NECTIN2: variants seen among roughly 807,000 people sequenced by gnomAD.
The protein encoded by NECTIN2 is nectin-2.
Under a neutral mutation model 56.9 loss-of-function variants are expected in NECTIN2, and 23 were observed. That is an observed-to-expected ratio of 0.40 (90% CI 0.29 to 0.57). The LOEUF (loss-of-function observed/expected upper bound fraction) is 0.57. Ranked by LOEUF, NECTIN2 falls within the 20% of genes least tolerant of loss-of-function variation. The pLI is 0.38. For synonymous variants in NECTIN2, 302 were observed against 313.8 expected (o/e 0.96, Z 0.40); for missense variants, 587 against 718.3 (o/e 0.82, Z 2.09).
chr19:44,855,484 G>A (rs1968955806), intron 1 of NECTIN2, among the ~76,000 whole-genome samples: 2 of 152,060 alleles, frequency 1.3e-5, no homozygotes, highest in South Asian at 2.1e-4. Context: ...GAGGTGAAGG[G>A]TGTGGGGCTC....
chr19:44,873,387 C>T lies in NECTIN2; in HGVS notation c.776-529C>T, dbSNP rs193124848. Among the ~76,000 whole-genome samples, 8 of 152,290 alleles carry T rather than the reference C, an allele frequency of 5.3e-5. No individual in the cohort carries two copies. The East Asian group carries it at 1.5e-3, about 29-fold the overall frequency. ...GTGGCTCACACCTGCAATCCCAGCA[C>T]TTTGGGAGGCCAAGGCGGGCAGATC... On this transcript the variant is annotated intron_variant, in intron 3 of 8. Coordinates refer to ENST00000252483, the MANE Select transcript of NECTIN2 (RefSeq NM_001042724.2).
rs1015182295 is a variant in NECTIN2, at chr19:44,869,452, G to C, written c.479-2401G>C. Among the ~76,000 whole-genome samples, 3 of 151,866 alleles carry C rather than the reference G, an allele frequency of 2.0e-5. No homozygotes were observed. In the South Asian group the frequency reaches 6.2e-4, roughly 32 times the overall value. ...CTAAAAATACAAAAAAATTAGCCGGGCGTGGTGGCGGGTGCCTGTAGTCCC... is the reference window on the plus strand; with the variant it reads ...CTAAAAATACAAAAAAATTAGCCGGCCGTGGTGGCGGGTGCCTGTAGTCCC... On this transcript the variant is annotated intron_variant, in intron 2 of 8. Transcript: ENST00000252483.
intron 1 of NECTIN2, among the ~76,000 whole-genome samples, chr19:44,850,434 C>T (rs1763850759): frequency 6.6e-6 from 1 of 151,984 alleles, no homozygotes; most frequent in Admixed American, 6.6e-5. Context: ...CACTTGAGCT[C>T]AGGAGTTCGA....
Position 44,882,783 on chromosome 19 carries a change from A to T in NECTIN2, c.1196+419A>T, listed in dbSNP as rs149450221. Among the ~76,000 whole-genome samples the T allele has an allele frequency of 4.5e-4, 54 of 119,830 alleles. 1 individual carries two copies. The highest frequency in any genetic ancestry group is 6.7e-4 in the Non-Finnish European group (39 of 57,948). The allele number at this position is 119,830 out of a possible 152,430, so 78.6% of individuals were successfully genotyped here. ...TCCTCGGAGCCCAGGATCCTACTAC[A>T]TTTTTTTTTTTTTTTTGTGACGGAG... On this transcript the variant is annotated intron_variant, in intron 6 of 8. Transcript: ENST00000252483.
intron 7 of NECTIN2, 22 bp downstream of exon 7, chr19:44,886,022 C>T: frequency 6.3e-7 from 1 of 1,589,572 alleles, no homozygotes; most frequent in African/African-American, 1.3e-5. Flanking sequence ...CCCTGGAGCC[C>T]AAGCTATCCC....
At chr19:44,867,328 GA>G (rs377086184) in intron 2 of NECTIN2, among the ~76,000 whole-genome samples, 3 of 150,846 alleles carry the variant, frequency 2.0e-5, no homozygotes, top group African/African-American at 4.9e-5. Context: ...GGCCAGGAAA[GA>G]AAAAAAAATT....
rs537067302 is a variant in NECTIN2 at position 44,888,533 on chromosome 19, C to T, written c.*154C>T. 2.1e-5 allele frequency: 17 copies of T among 793,562 alleles called. No homozygotes were observed. The African/African-American group carries it at 3.0e-4, about 14-fold the overall frequency. The allele number at this position is 793,562 out of a possible 1,614,324, so 49.2% of individuals were successfully genotyped here. On this transcript the variant is annotated 3_prime_UTR_variant, in exon 9 of 9. Transcript: ENST00000252483. The stretch of plus-strand genomic sequence containing the variant: ...TACCTTGGTGGCTCCACTATGACCC[C>T]TAACCCATGAGCCCAGAGAAATTCA...
At chr19:44,853,774 A>G (rs1160328520) in intron 1 of NECTIN2, among the ~76,000 whole-genome samples, 2 of 152,226 alleles carry the variant, frequency 1.3e-5, no homozygotes, top group Non-Finnish European at 2.9e-5. Context: ...GGCGTGAGCC[A>G]TTGCGCCCAG....
At chr19:44,869,709 A>G (rs1403474486) in intron 2 of NECTIN2, among the ~76,000 whole-genome samples, 2 of 152,110 alleles carry the variant, frequency 1.3e-5, no homozygotes, top group Non-Finnish European at 2.9e-5. Flanking sequence ...ATACACTTCA[A>G]GCAGGGGCCA....
intron 2 of NECTIN2, among the ~76,000 whole-genome samples, chr19:44,866,369 C>T (rs537531062): frequency 1.3e-5 from 2 of 151,804 alleles, no homozygotes; most frequent in Non-Finnish European, 2.9e-5. Context: ...CATGCCACTA[C>T]ACTCTAGCCT....
rs572473246 is a variant in NECTIN2, at chr19:44,880,119, G to A, written c.1043-2092G>A. 3.3e-5 allele frequency among the ~76,000 whole-genome samples: 5 copies of A among 152,284 alleles called. No homozygotes were observed. In the East Asian group the frequency reaches 5.8e-4, roughly 18 times the overall value. ...TCTGGAGAGTGAGGCCGATGCATGC[G>A]TGACCCCCACGGGCCCTTCCATACT... On this transcript the variant is annotated intron_variant, in intron 5 of 8. Coordinates refer to ENST00000252483, the MANE Select transcript of NECTIN2 (RefSeq NM_001042724.2).
intron 6 of NECTIN2, 126 bp from the exon 7 acceptor site, chr19:44,885,811 C>T (rs1459075252): frequency 3.9e-6 from 3 of 778,420 alleles, no homozygotes; most frequent in African/African-American, 1.7e-5. Context: ...AAAACTCTTA[C>T]TCCAGGCAAG....
intron 1 of NECTIN2, among the ~76,000 whole-genome samples, chr19:44,860,211 G>C (rs193081103): frequency 6.6e-6 from 1 of 152,162 alleles, no homozygotes; most frequent in Non-Finnish European, 1.5e-5. Flanking sequence ...TAATGGATAA[G>C]GGGGTTACTT....
At chr19:44,859,680 C>T (rs1008453565) in intron 1 of NECTIN2, among the ~76,000 whole-genome samples, 1 of 152,048 alleles carries the variant, frequency 6.6e-6, no homozygotes, top group Non-Finnish European at 1.5e-5. Context: ...AAAAATCAGC[C>T]GGACCGTAGT....
rs563729552 is a variant in NECTIN2, at chr19:44,863,566, T to A, written c.89-1705T>A. 3.9e-3 allele frequency among the ~76,000 whole-genome samples: 593 copies of A among 151,982 alleles called. 3 individuals carry two copies. Among genetic ancestry groups the A allele is most frequent in the African/African-American group, 0.014 (565 of 41,484 alleles). On this transcript the variant is annotated intron_variant, in intron 1 of 8. Transcript: ENST00000252483. The stretch of plus-strand genomic sequence containing the variant: ...CTTGCACCTGCTAAAAATATAATAA[T>A]TTTAAAATTTTTATTTTAATAAAAA...
chr19:44,850,564 G>A lies in NECTIN2; in HGVS notation c.88+3951G>A, dbSNP rs559888246. Among the ~76,000 whole-genome samples the A allele has an allele frequency of 3.9e-5, 6 of 152,006 alleles. No homozygotes were observed. The South Asian group carries it at 1.2e-3, about 32-fold the overall frequency. ...GAAGGCTGAAGTGGGAGGATCACATGAGCCAGGAAGGTTGAGGCTGCAGTG... is the reference window on the plus strand; with the variant it reads ...GAAGGCTGAAGTGGGAGGATCACATAAGCCAGGAAGGTTGAGGCTGCAGTG... On this transcript the variant is annotated intron_variant, in intron 1 of 8. Transcript: ENST00000252483.
Position 44,888,730 on chromosome 19 carries a change from T to A in NECTIN2, c.*351T>A, listed in dbSNP as rs1423503097. On this transcript the variant is annotated 3_prime_UTR_variant, in exon 9 of 9. Coordinates refer to ENST00000252483, the MANE Select transcript of NECTIN2 (RefSeq NM_001042724.2). ...AATCACAAAGAAGACCCTAGACCTA[T>A]AATTTGTCTTCAGGTAGTAAATTCC... 4.1e-6 allele frequency: 1 copy of A among 241,622 alleles called. No homozygotes were observed. Among genetic ancestry groups the A allele is most frequent in the East Asian group, 8.2e-5 (1 of 12,184 alleles). 15.0% of individuals were successfully genotyped at this position (241,622 alleles called of 1,614,324 possible).
intron 5 of NECTIN2, among the ~76,000 whole-genome samples, chr19:44,879,804 G>T (rs3852861): frequency 0.42 from 64,008 of 151,924 alleles, 14,243 homozygotes; most frequent in East Asian, 0.76. Context: ...TGCCCGTGAT[G>T]CCCTCATGCA....
At chr19:44,861,019 A>T (rs1158826376) in intron 1 of NECTIN2, among the ~76,000 whole-genome samples, 1 of 152,140 alleles carries the variant, frequency 6.6e-6, no homozygotes, top group African/African-American at 2.4e-5. Flanking sequence ...TCTAAAGAAG[A>T]CATACAGGCA....
Sources: allele counts gnomAD v4.1 joint callset (sites outside exome capture counted in the v4.1 genomes callset), GRCh38; gene constraint gnomAD v4.1.1; transcripts MANE v1.5; gene names NCBI Gene and HGNC (gene_info 2026-07-23, HGNC 2026-07-21).